The following AGBL4 variants were observed in gnomAD, a reference collection of about 807,000 sequenced individuals.
The protein encoded by AGBL4 is AGBL carboxypeptidase 4.
AGBL4 carries 58 observed loss-of-function variants against 66.4 expected under a neutral mutation model. The ratio of observed to expected loss-of-function variants is 0.87; its 90% CI spans 0.71 to 1.09. The LOEUF (loss-of-function observed/expected upper bound fraction) is 1.09, where lower values mean the gene tolerates loss of function less well. Among genes scored for constraint, AGBL4 ranks in the 50% least tolerant of loss-of-function variants. The pLI is 0.00. For missense variants in AGBL4, 579 were observed against 631.0 expected (o/e 0.92, Z 0.88); for synonymous variants, 234 against 222.9 (o/e 1.05, Z -0.44).
At chr1:49,090,971 A>G (rs1483574384) in intron 4 of AGBL4, among the ~76,000 whole-genome samples, 1 of 152,186 alleles carries the variant, frequency 6.6e-6, no homozygotes, top group African/African-American at 2.4e-5. Flanking sequence ...AAAGTTTACA[A>G]AAGCAAACAA....
chr1:49,717,851 T>C (rs1049367424), intron 2 of AGBL4, among the ~76,000 whole-genome samples: 27 of 152,010 alleles, frequency 1.8e-4, no homozygotes, highest in Admixed American at 1.4e-3. Flanking sequence ...TACAGAGTCA[T>C]TGAGGTAATA....
intron 3 of AGBL4, among the ~76,000 whole-genome samples, chr1:49,348,808 G>A (rs910562178): frequency 4.6e-5 from 7 of 152,304 alleles, no homozygotes; most frequent in Admixed American, 4.6e-4. Context: ...CTGGTTGCCT[G>A]TATCAAAAAG....
At chr1:49,883,010 A>T (rs543699658) in intron 1 of AGBL4, among the ~76,000 whole-genome samples, 8 of 152,290 alleles carry the variant, frequency 5.3e-5, no homozygotes, top group Non-Finnish European at 8.8e-5. Context: ...GTACATGCAA[A>T]AAATTTAACA....
chr1:49,960,317 C>G (rs946930830), intron 1 of AGBL4, among the ~76,000 whole-genome samples: 1 of 151,786 alleles, frequency 6.6e-6, no homozygotes, highest in African/African-American at 2.4e-5. Flanking sequence ...TGTCAGGAAC[C>G]GAAAATTAAA....
intron 2 of AGBL4, among the ~76,000 whole-genome samples, chr1:49,764,007 A>T (rs1032929142): frequency 1.3e-5 from 2 of 152,008 alleles, no homozygotes; most frequent in Non-Finnish European, 2.9e-5. Context: ...TGGCCAGCGC[A>T]GGCAGTCACA....
chr1:49,117,802 A>G (rs1203318366), intron 4 of AGBL4, among the ~76,000 whole-genome samples: 4 of 152,106 alleles, frequency 2.6e-5, no homozygotes, highest in Non-Finnish European at 5.9e-5. Context: ...TCTATAAATT[A>G]CCTTGGGCAG....
chr1:49,459,233 T>G (rs1370423378), intron 3 of AGBL4, among the ~76,000 whole-genome samples: 1 of 151,692 alleles, frequency 6.6e-6, no homozygotes, highest in African/African-American at 2.4e-5. Context: ...TATCTGGTCC[T>G]GAACTTCTTT....
intron 1 of AGBL4, among the ~76,000 whole-genome samples, chr1:50,019,927 A>C (rs963076684): frequency 1.1e-4 from 17 of 152,002 alleles, no homozygotes; most frequent in Non-Finnish European, 2.1e-4. Flanking sequence ...CCCCATTTTA[A>C]AGCACAAGAT....
intron 3 of AGBL4, among the ~76,000 whole-genome samples, chr1:49,682,405 C>G (rs898631329): frequency 6.6e-6 from 1 of 151,992 alleles, no homozygotes; most frequent in African/African-American, 2.4e-5. Context: ...TCCGTCCCCC[C>G]AGAAAAAATA....
intron 6 of AGBL4, among the ~76,000 whole-genome samples, chr1:48,765,295 C>T (rs927065493): frequency 6.6e-6 from 1 of 152,170 alleles, no homozygotes; most frequent in African/African-American, 2.4e-5. Flanking sequence ...AAACAGGCTA[C>T]ACCAATGAGT....
intron 2 of AGBL4, among the ~76,000 whole-genome samples, chr1:49,838,083 C>A (rs770567875): frequency 8.5e-5 from 13 of 152,142 alleles, no homozygotes; most frequent in Non-Finnish European, 1.6e-4. Flanking sequence ...CTATGGGAAA[C>A]TAGTTGCTCA....
At chr1:49,875,159 A>T (rs913273211) in intron 1 of AGBL4, among the ~76,000 whole-genome samples, 5 of 139,878 alleles carry the variant, frequency 3.6e-5, no homozygotes, top group Admixed American at 2.9e-4. Flanking sequence ...TATTATTATT[A>T]TTATTTTTAA....
At chr1:49,443,571 T>C (rs1210101086) in intron 3 of AGBL4, among the ~76,000 whole-genome samples, 1 of 151,970 alleles carries the variant, frequency 6.6e-6, no homozygotes, top group Admixed American at 6.6e-5. Flanking sequence ...TTCAATTGGC[T>C]GTACATCTGT....
intron 1 of AGBL4, among the ~76,000 whole-genome samples, chr1:49,873,496 T>C (rs1168785867): frequency 6.6e-6 from 1 of 152,082 alleles, no homozygotes; most frequent in African/African-American, 2.4e-5. Flanking sequence ...TAAACTGCCT[T>C]ACCTTTTGTT....
chr1:48,940,073 T>C (rs1041582412), intron 5 of AGBL4, among the ~76,000 whole-genome samples: 2 of 152,196 alleles, frequency 1.3e-5, no homozygotes, highest in African/African-American at 4.8e-5. Context: ...CCAGGAACCC[T>C]TGGTGACTGC....
chr1:48,838,401 C>A (rs1364754631), intron 6 of AGBL4, among the ~76,000 whole-genome samples: 1 of 152,034 alleles, frequency 6.6e-6, no homozygotes. Context: ...TTAATTAACT[C>A]ATTTTTGACA....
intron 5 of AGBL4, among the ~76,000 whole-genome samples, chr1:48,898,936 C>A (rs918070970): frequency 5.9e-5 from 9 of 152,286 alleles, no homozygotes; most frequent in African/African-American, 1.7e-4. Flanking sequence ...GGTCCTCTCA[C>A]GAGGGAGCGC....
At chr1:49,700,339 A>G (rs924494622) in intron 2 of AGBL4, among the ~76,000 whole-genome samples, 1 of 151,664 alleles carries the variant, frequency 6.6e-6, no homozygotes, top group Admixed American at 6.6e-5. Context: ...AGATAGATAG[A>G]TAGACAGATA....
At chr1:48,999,039 A>G (rs1421807218) in intron 5 of AGBL4, among the ~76,000 whole-genome samples, 1 of 152,184 alleles carries the variant, frequency 6.6e-6, no homozygotes, top group African/African-American at 2.4e-5. Context: ...TTCCTTTTGG[A>G]GTTGTTTTAC....
Sources: gnomAD v4.1 joint callset for allele counts (sites outside exome capture counted in the v4.1 genomes callset) on GRCh38, gnomAD v4.1.1 for gene constraint, MANE v1.5 for transcripts, NCBI Gene and HGNC (gene_info 2026-07-23, HGNC 2026-07-21) for gene names.